Variants in TIAM1 observed in about 807,000 individuals in gnomAD.
TIAM1 encodes the protein TIAM Rac1 associated GEF 1.
A neutral mutation model predicts 163.5 loss-of-function variants in TIAM1; 65 were observed. The ratio of observed to expected loss-of-function variants is 0.40; its 90% CI spans 0.33 to 0.49. The LOEUF (loss-of-function observed/expected upper bound fraction) is 0.49, where lower values mean the gene tolerates loss of function less well. Among genes scored for constraint, TIAM1 ranks in the 20% least tolerant of loss-of-function variants. TIAM1 has a pLI of 0.77. For missense variants in TIAM1, 1,789 were observed against 2,044.7 expected (o/e 0.87, Z 2.41); for synonymous variants, 833 against 810.1 (o/e 1.03, Z -0.48).
At chr21:31,201,666 A>AT in intron 12 of TIAM1, among the ~76,000 whole-genome samples, 1 of 152,220 alleles carries the variant, frequency 6.6e-6, no homozygotes, top group Admixed American at 6.5e-5. Flanking sequence ...TCCCTTTTCC[A>AT]AAAAGAGAAT....
At chr21:31,477,820 T>C (rs1420557912) in intron 1 of TIAM1, among the ~76,000 whole-genome samples, 1 of 152,166 alleles carries the variant, frequency 6.6e-6, no homozygotes, top group African/African-American at 2.4e-5. Context: ...GAAGGCAGCA[T>C]GTTGGTATCA....
chr21:31,423,549 T>C (rs967955581), intron 2 of TIAM1, among the ~76,000 whole-genome samples: 3 of 152,002 alleles, frequency 2.0e-5, no homozygotes, highest in African/African-American at 7.3e-5. Context: ...ATTCACTTAA[T>C]GTCCATCTTC....
chr21:31,199,450 C>T (rs1192169363), intron 12 of TIAM1, among the ~76,000 whole-genome samples: 1 of 152,010 alleles, frequency 6.6e-6, no homozygotes, highest in Admixed American at 6.6e-5. Flanking sequence ...CAATCCTCCT[C>T]AAACACCAGG....
At position 31,507,179 on chromosome 21, in the gene TIAM1, A is replaced by ATTTT. The variant is rs572356384; in HGVS notation, c.-421-43148_-421-43145dup. 4.0e-4 allele frequency among the ~76,000 whole-genome samples: 18 copies of ATTTT among 44,582 alleles called. 2 individuals carry two copies. The highest frequency in any genetic ancestry group is 6.8e-4 in the African/African-American group (7 of 10,288). 29.2% of individuals were successfully genotyped at this position (44,582 alleles called of 152,430 possible). A position where few individuals can be genotyped will look rare whatever the true frequency, so the allele number is the denominator to read the frequency against. On this transcript the variant is annotated intron_variant, in intron 1 of 28. Coordinates refer to the TIAM1 transcript ENST00000286827. ...TTTTTGAGGTGCATGCACCTTTTTA[A>ATTTT]TTTTTTTTTTTTTTTTTTTTTTTTT...
At chr21:31,265,146 T>A (rs982239277) in intron 4 of TIAM1, among the ~76,000 whole-genome samples, 8 of 151,290 alleles carry the variant, frequency 5.3e-5, no homozygotes, top group Non-Finnish European at 8.8e-5. Context: ...ATCTTAATTA[T>A]CATTGCCAGC....
At chr21:31,507,728 G>A (rs2047079877) in intron 1 of TIAM1, among the ~76,000 whole-genome samples, 1 of 152,172 alleles carries the variant, frequency 6.6e-6, no homozygotes, top group Admixed American at 6.5e-5. Flanking sequence ...CAGATCACAG[G>A]CAGCTATCTG....
At chr21:31,148,707 G>A (rs180857239) in intron 19 of TIAM1, among the ~76,000 whole-genome samples, 11 of 151,988 alleles carry the variant, frequency 7.2e-5, no homozygotes, top group Admixed American at 2.0e-4. Context: ...TATTCCTCCC[G>A]CCTTAAAAAT....
intron 19 of TIAM1, among the ~76,000 whole-genome samples, chr21:31,148,348 G>A (rs577955621): frequency 6.6e-6 from 1 of 152,176 alleles, no homozygotes; most frequent in African/African-American, 2.4e-5. Context: ...AGTCTCAGGA[G>A]ATCTGATGGT....
rs1340831244 is a variant in TIAM1, at chr21:31,202,920, G to A, written c.2481C>T (p.Asp827=). ...GTCATAACATTACCAGCTCATAGAT[G>A]TCTTCCTCGGGCTGTGGAACATAGA... ...MQLYVPQPEE[D]IYELLYKEIE... is the part of the protein sequence containing the mutation. The change falls in exon 12 of 28, where the codon GAC becomes GAT. Residue 827 remains aspartate, a synonymous_variant. Transcript: ENST00000541036. 1.9e-6 allele frequency: 3 copies of A among 1,613,804 alleles called. No homozygotes were observed. The highest frequency in any genetic ancestry group is 4.5e-5 in the East Asian group (2 of 44,890).
chr21:31,418,479 A>T (rs2043453296), intron 2 of TIAM1, among the ~76,000 whole-genome samples: 1 of 152,012 alleles, frequency 6.6e-6, no homozygotes, highest in South Asian at 2.1e-4. Context: ...TGAAAACACC[A>T]GCTACCAACT....
intron 11 of TIAM1, among the ~76,000 whole-genome samples, chr21:31,203,828 A>G (rs916282692): frequency 4.6e-5 from 7 of 152,250 alleles, no homozygotes; most frequent in African/African-American, 1.7e-4. Flanking sequence ...GTCAGTGTGA[A>G]GACAAGGCTT....
intron 2 of TIAM1, among the ~76,000 whole-genome samples, chr21:31,307,104 A>C (rs1181054890): frequency 6.6e-6 from 1 of 152,252 alleles, no homozygotes; most frequent in African/African-American, 2.4e-5. Context: ...TTATGTATAC[A>C]GGTGAAAACA....
At position 31,124,234 on chromosome 21, in the gene TIAM1, T is replaced by C. The variant is rs2082101260; in HGVS notation, c.4306+288A>G. 4 of 325,430 alleles carry C rather than the reference T, an allele frequency of 1.2e-5. No individual in the cohort carries two copies. In the South Asian group the frequency reaches 3.9e-4, roughly 32 times the overall value. The allele number at this position is 325,430 out of a possible 1,614,324, so 20.2% of individuals were successfully genotyped here. A position where few individuals can be genotyped will look rare whatever the true frequency, so the allele number is the denominator to read the frequency against. ...AGCCTCTCCAGAAAGAGGATGTGTC[T>C]GCAACCCGACTTGGCAAATGAGGGA... On this transcript the variant is annotated intron_variant, in intron 27 of 27. Coordinates refer to ENST00000541036, the MANE Select transcript of TIAM1 (RefSeq NM_001353694.2).
intron 23 of TIAM1, among the ~76,000 whole-genome samples, chr21:31,135,425 C>G (rs1015304267): frequency 2.6e-5 from 4 of 152,196 alleles, no homozygotes; most frequent in Non-Finnish European, 5.9e-5. Context: ...TGGGATGCAC[C>G]TCACAGCTGA....
At chr21:31,240,684 G>A (rs2071121087) in intron 6 of TIAM1, among the ~76,000 whole-genome samples, 1 of 152,128 alleles carries the variant, frequency 6.6e-6, no homozygotes, top group Non-Finnish European at 1.5e-5. Flanking sequence ...TTCACTCCAG[G>A]GGGTGCTTGT....
At chr21:31,408,332 G>C (rs1428919274) in intron 2 of TIAM1, among the ~76,000 whole-genome samples, 1 of 152,212 alleles carries the variant, frequency 6.6e-6, no homozygotes, top group African/African-American at 2.4e-5. Context: ...CTGACATCAA[G>C]TGGTCATCCT....
chr21:31,127,524 T>C (rs2082252053), intron 25 of TIAM1, among the ~76,000 whole-genome samples: 2 of 152,018 alleles, frequency 1.3e-5, no homozygotes. Context: ...GTTCAAGTGA[T>C]TCTCCTGCCT....
In TIAM1 at chr21:31,515,166, G is replaced by A. The variant is rs578239188; in HGVS notation, c.-422+43761C>T. ...TACCTTTCTTCGCTATCGACCCACA[G>A]GCCCCAACTCCAAAATCATGACCCA... On this transcript the variant is annotated intron_variant, in intron 1 of 28. Coordinates refer to the TIAM1 transcript ENST00000286827. 2.4e-3 allele frequency among the ~76,000 whole-genome samples: 362 copies of A among 152,176 alleles called. 5 individuals are homozygous for A. The highest frequency in any genetic ancestry group is 8.0e-3 in the African/African-American group (333 of 41,526).
intron 2 of TIAM1, among the ~76,000 whole-genome samples, chr21:31,336,932 T>A (rs2075860441): frequency 6.6e-6 from 1 of 152,092 alleles, no homozygotes; most frequent in South Asian, 2.1e-4. Flanking sequence ...CTCGTTCAGC[T>A]AACATTTACT....
Sources: allele counts gnomAD v4.1 joint callset (sites outside exome capture counted in the v4.1 genomes callset), GRCh38; gene constraint gnomAD v4.1.1; transcripts MANE v1.5; gene names NCBI Gene and HGNC (gene_info 2026-07-23, HGNC 2026-07-21).